The following GLIS3 variants were observed in gnomAD, a reference collection of about 807,000 sequenced individuals.
GLIS3 encodes zinc finger protein GLIS3.
GLIS3 carries 53 observed loss-of-function variants against 78.6 expected under a neutral mutation model. The ratio of observed to expected loss-of-function variants is 0.67; its 90% confidence interval spans 0.54 to 0.85. The LOEUF (loss-of-function observed/expected upper bound fraction) is 0.85. GLIS3 is among the 40% of genes least tolerant of loss of function. GLIS3 has a pLI of 0.00. For synonymous variants in GLIS3, 684 were observed against 509.9 expected (o/e 1.34, Z -4.60); for missense variants, 1,703 against 1,231.1 (o/e 1.38, Z -5.74).
At chr9:4,281,379 C>T (rs1827535419) in intron 2 of GLIS3, among the ~76,000 whole-genome samples, 1 of 131,236 alleles carries the variant, frequency 7.6e-6, no homozygotes, top group Non-Finnish European at 1.7e-5. Context: ...CATTACCCAT[C>T]TCCAAAACTT....
chr9:4,008,097 A>C (rs2129993197), intron 4 of GLIS3, among the ~76,000 whole-genome samples: 1 of 152,244 alleles, frequency 6.6e-6, no homozygotes, highest in Non-Finnish European at 1.5e-5. Flanking sequence ...TTATCTAACA[A>C]ATGTTCCCAG....
At chr9:3,909,006 G>C (rs1228446662) in intron 6 of GLIS3, among the ~76,000 whole-genome samples, 1 of 152,146 alleles carries the variant, frequency 6.6e-6, no homozygotes, top group Non-Finnish European at 1.5e-5. Flanking sequence ...TGTCTCCAAT[G>C]AGCACAGTCC....
At chr9:3,990,182 G>A (rs908316713) in intron 4 of GLIS3, among the ~76,000 whole-genome samples, 3 of 152,128 alleles carry the variant, frequency 2.0e-5, no homozygotes, top group African/African-American at 7.2e-5. Context: ...AAGAGCCGAG[G>A]GCAAACTGCT....
chr9:4,455,004 T>C, the GLIS3 span, among the ~76,000 whole-genome samples: 2 of 152,218 alleles, frequency 1.3e-5, no homozygotes, highest in Non-Finnish European at 2.9e-5. Context: ...TAAGAAGTGC[T>C]TAGTGTTTTT....
At chr9:4,369,682 C>T in the GLIS3 span, among the ~76,000 whole-genome samples, 3 of 152,082 alleles carry the variant, frequency 2.0e-5, no homozygotes, top group East Asian at 1.9e-4. Flanking sequence ...ATAACAATGG[C>T]GTGATGGTCA....
chr9:3,951,620 GGACC>G (rs201463668), intron 4 of GLIS3, among the ~76,000 whole-genome samples: 2,343 of 151,950 alleles, frequency 0.015, 68 homozygotes, highest in African/African-American at 0.054. Context: ...ATAAAAAAAG[GGACC>G]GACCGGTCCT....
At chr9:4,166,714 C>A (rs750070609) in intron 2 of GLIS3, among the ~76,000 whole-genome samples, 2 of 152,212 alleles carry the variant, frequency 1.3e-5, no homozygotes, top group Non-Finnish European at 2.9e-5. Context: ...CGTGGCTACA[C>A]ATAAAAGCAG....
At chr9:4,201,666 A>G (rs1037714348) in intron 2 of GLIS3, among the ~76,000 whole-genome samples, 2 of 152,102 alleles carry the variant, frequency 1.3e-5, no homozygotes, top group Non-Finnish European at 2.9e-5. Context: ...TACAAAAAAC[A>G]CTGCTGAAAA....
intron 2 of GLIS3, among the ~76,000 whole-genome samples, chr9:4,149,820 G>C (rs1412919722): frequency 6.6e-6 from 1 of 152,164 alleles, no homozygotes; most frequent in Non-Finnish European, 1.5e-5. Flanking sequence ...AATAAGGTAG[G>C]ATAAAAAAGC....
chr9:4,274,817 G>C (rs1375693298), intron 2 of GLIS3, among the ~76,000 whole-genome samples: 1 of 152,162 alleles, frequency 6.6e-6, no homozygotes, highest in East Asian at 1.9e-4. Flanking sequence ...TGCACATTCT[G>C]ATTCAAGAGG....
At chr9:4,110,103 G>A (rs1274868571) in intron 4 of GLIS3, among the ~76,000 whole-genome samples, 3 of 152,148 alleles carry the variant, frequency 2.0e-5, no homozygotes, top group Non-Finnish European at 2.9e-5. Flanking sequence ...GGTAAGGTAT[G>A]GTACATGGCT....
chr9:4,294,819 C>A lies in GLIS3; in HGVS notation c.-99+4602G>T, dbSNP rs1406325691. On this transcript the variant is annotated intron_variant, in intron 1 of 10. Coordinates refer to ENST00000381971, the MANE Select transcript of GLIS3 (RefSeq NM_001042413.2). ...CATTTATCATATAGTTATGCTACATCTATATATTCACATACATTTATTCTA... is the reference window on the plus strand; with the variant it reads ...CATTTATCATATAGTTATGCTACATATATATATTCACATACATTTATTCTA... 3.3e-5 allele frequency among the ~76,000 whole-genome samples: 5 copies of A among 152,170 alleles called. No individual in the cohort carries two copies. The East Asian group carries it at 9.6e-4, about 29-fold the overall frequency.
the GLIS3 span, among the ~76,000 whole-genome samples, chr9:4,400,711 C>T: frequency 3.9e-5 from 6 of 152,206 alleles, no homozygotes; most frequent in African/African-American, 1.2e-4. Context: ...CATCTTGCAT[C>T]TTGGATACCA....
chr9:4,234,645 C>A (rs994596236), intron 2 of GLIS3, among the ~76,000 whole-genome samples: 1 of 152,112 alleles, frequency 6.6e-6, no homozygotes, highest in African/African-American at 2.4e-5. Flanking sequence ...ATGAAGTGAG[C>A]ACATACTGTT....
chr9:4,245,398 T>A (rs1823712892), intron 2 of GLIS3, among the ~76,000 whole-genome samples: 1 of 152,188 alleles, frequency 6.6e-6, no homozygotes, highest in Admixed American at 6.5e-5. Context: ...TTTGCCAAAT[T>A]TCAATTATAA....
Position 4,118,936 on chromosome 9 carries a change from ACGGATT to A in GLIS3, c.597-61_597-56del. 6.4e-7 allele frequency: 1 copy of A among 1,557,950 alleles called. No homozygotes were observed. Among genetic ancestry groups the A allele is most frequent in the South Asian group, 1.1e-5 (1 of 87,092 alleles). ...AAAAAGATAAACATTTTAGCAGGAT[ACGGATT>A]GCTTAAGAGCTAAAAGAACACTGCA... is the stretch of plus-strand genomic sequence containing the variant. On this transcript the variant is annotated intron_variant, in intron 3 of 10. Coordinates refer to ENST00000381971, the MANE Select transcript of GLIS3 (RefSeq NM_001042413.2). The surrounding 1 kb of genome is among the most constrained non-coding windows in gnomAD (Gnocchi z 4.7).
the GLIS3 span, among the ~76,000 whole-genome samples, chr9:4,355,963 A>G: frequency 6.6e-6 from 1 of 152,230 alleles, no homozygotes; most frequent in Non-Finnish European, 1.5e-5. Flanking sequence ...ATCAAAATGT[A>G]TCAACTGGGC....
At chr9:4,243,613 G>A (rs765491853) in intron 2 of GLIS3, among the ~76,000 whole-genome samples, 14 of 152,212 alleles carry the variant, frequency 9.2e-5, no homozygotes, top group Non-Finnish European at 1.3e-4. Flanking sequence ...GACCTTGGAA[G>A]AAAGATTTAA....
chr9:4,409,743 C>G, the GLIS3 span, among the ~76,000 whole-genome samples: 1 of 151,806 alleles, frequency 6.6e-6, no homozygotes, highest in East Asian at 1.9e-4. Flanking sequence ...CACAAACTAT[C>G]AAAGTGAAAA....
Sources: gnomAD v4.1 joint callset for allele counts (sites outside exome capture counted in the v4.1 genomes callset) on GRCh38, gnomAD v4.1.1 for gene constraint, Gnocchi (gnomAD v3.1) non-coding constraint, MANE v1.5 for transcripts, NCBI Gene and HGNC (gene_info 2026-07-23, HGNC 2026-07-21) for gene names.